LRRC31: variants seen among roughly 807,000 people sequenced by gnomAD.
LRRC31 encodes leucine rich repeat containing 31.
LRRC31 carries 35 observed loss-of-function variants against 46.7 expected under a neutral mutation model. That is an observed-to-expected ratio of 0.75 (90% CI 0.57 to 0.99). The LOEUF (loss-of-function observed/expected upper bound fraction) is 0.99, where lower values mean the gene tolerates loss of function less well. Ranked by LOEUF, LRRC31 falls within the 50% of genes least tolerant of loss-of-function variation. The pLI, the probability that LRRC31 is intolerant of heterozygous loss-of-function variation, is 0.00. For synonymous variants in LRRC31, 236 were observed against 235.1 expected, an observed-to-expected ratio of 1.00 and a Z score of -0.03; for missense variants, 613 against 626.1, an observed-to-expected ratio of 0.98 and a Z score of 0.22.
intron 2 of LRRC31, 134 bp downstream of exon 2, chr3:169,861,536 G>A: frequency 3.7e-6 from 3 of 810,920 alleles, no homozygotes; most frequent in Non-Finnish European, 3.8e-6. Flanking sequence ...AAAAAAAAGC[G>A]ATGCTGTTTC....
intron 8 of LRRC31, among the ~76,000 whole-genome samples, chr3:169,846,814 A>G (rs1042879813): frequency 2.0e-5 from 3 of 152,208 alleles, no homozygotes; most frequent in Non-Finnish European, 4.4e-5. Context: ...TAACTATTTA[A>G]TATGTAAAAC....
intron 8 of LRRC31, among the ~76,000 whole-genome samples, chr3:169,844,094 T>C (rs1457287542): frequency 6.6e-6 from 1 of 152,160 alleles, no homozygotes; most frequent in Non-Finnish European, 1.5e-5. Context: ...AGGAACACTT[T>C]CCAACTCATT....
intron 1 of LRRC31, among the ~76,000 whole-genome samples, chr3:169,869,023 G>A (rs951496152): frequency 7.9e-5 from 12 of 151,644 alleles, no homozygotes; most frequent in African/African-American, 4.8e-5. Flanking sequence ...CAAACAACCC[G>A]TTGTGCTCTT....
At chr3:169,857,672 A>T (rs889242392) in intron 3 of LRRC31, among the ~76,000 whole-genome samples, 5 of 151,896 alleles carry the variant, frequency 3.3e-5, no homozygotes, top group Non-Finnish European at 1.5e-5. Context: ...AATGATTTTC[A>T]CTGCCTTGCG....
chr3:169,856,677 T>G (rs11919269), intron 4 of LRRC31, 28 bp downstream of exon 4: 453,192 of 1,523,386 alleles, frequency 0.3, 73,027 homozygotes, highest in East Asian at 0.67. Flanking sequence ...ATCTTCACTT[T>G]TTTTTTTTCT....
At chr3:169,857,345 T>TATATATATATATATATATACAC (rs1491209579) in intron 3 of LRRC31, among the ~76,000 whole-genome samples, 86 of 89,350 alleles carry the variant, frequency 9.6e-4, no homozygotes, top group Non-Finnish European at 1.4e-3. Context: ...TATATATATA[T>TATATATATATATATATATACAC]ACACACACAC....
chr3:169,842,915 C>A (rs1023510554), intron 8 of LRRC31, among the ~76,000 whole-genome samples: 5 of 151,870 alleles, frequency 3.3e-5, no homozygotes, highest in East Asian at 1.9e-4. Flanking sequence ...AAATAAAAAT[C>A]AAAAGCTTAT....
chr3:169,854,269 G>A (rs1780875648), intron 6 of LRRC31, among the ~76,000 whole-genome samples: 1 of 152,214 alleles, frequency 6.6e-6, no homozygotes, highest in Non-Finnish European at 1.5e-5. Context: ...TTAATCTCAA[G>A]GCTACGCTTG....
intron 3 of LRRC31, among the ~76,000 whole-genome samples, chr3:169,858,841 TAAAAATACAA>T (rs1045953424): frequency 6.6e-6 from 1 of 151,816 alleles, no homozygotes; most frequent in African/African-American, 2.4e-5. Flanking sequence ...CTATCTCTAC[TAAAAATACAA>T]AAAAATTAGC....
At chr3:169,855,252 C>T (rs930359539) in intron 5 of LRRC31, among the ~76,000 whole-genome samples, 8 of 152,118 alleles carry the variant, frequency 5.3e-5, no homozygotes, top group African/African-American at 1.9e-4. Context: ...GAAACCCCAT[C>T]TCTGCTACCA....
rs146441847 is a variant in LRRC31 at position 169,855,950 on chromosome 3, G to A, written c.823+386C>T. 1.3e-4 allele frequency among the ~76,000 whole-genome samples: 20 copies of A among 151,788 alleles called. No homozygotes were observed. In the East Asian group the frequency reaches 3.3e-3, roughly 25 times the overall value. The stretch of plus-strand genomic sequence containing the variant: ...TGGAGTCTCTTCTGTCACCCACATC[G>A]GCTCGCTGCAACCTCACCTCCTGAG... On this transcript the variant is annotated intron_variant, in intron 5 of 8. Coordinates refer to ENST00000316428, the MANE Select transcript of LRRC31 (RefSeq NM_024727.4).
chr3:169,847,052 G>A (rs1205403787), intron 8 of LRRC31, among the ~76,000 whole-genome samples: 1 of 152,258 alleles, frequency 6.6e-6, no homozygotes, highest in African/African-American at 2.4e-5. Flanking sequence ...TGGGAGGCGC[G>A]CTCATTGCTT....
chr3:169,856,259 C>T (rs1576793060), intron 5 of LRRC31, 77 bp downstream of exon 5: 3 of 829,518 alleles, frequency 3.6e-6, no homozygotes, highest in Non-Finnish European at 4.7e-6. Context: ...TTCCTAGTAA[C>T]TTTTCAATAT....
chr3:169,841,158 C>G (rs1780436433), intron 8 of LRRC31, among the ~76,000 whole-genome samples: 1 of 152,184 alleles, frequency 6.6e-6, no homozygotes, highest in Non-Finnish European at 1.5e-5. Context: ...CAAGTTTGCC[C>G]CAGCATTATG....
Position 169,854,850 on chromosome 3 carries a change from G to A in LRRC31, c.954C>T (p.His318=), listed in dbSNP as rs567420553. 90 of 1,613,752 alleles carry A rather than the reference G, an allele frequency of 5.6e-5. No homozygotes were observed. The highest frequency in any genetic ancestry group is 1.7e-4 in the Middle Eastern group (1 of 6,060). The change falls in exon 6 of 9, where the codon CAC becomes CAT. Residue 318 remains histidine (H), a synonymous_variant. Coordinates refer to ENST00000316428, the MANE Select transcript of LRRC31 (RefSeq NM_024727.4). ...MLKHLQVLDL[H]QCSLTADDVM... ...CGTCATCTGCTGTTAGTGAGCACTG[G>A]TGAAGATCTAGGACTTGTAGATGCT...
chr3:169,860,874 G>A, intron 2 of LRRC31, 146 bp from the exon 3 acceptor site: 1 of 709,898 alleles, frequency 1.4e-6, no homozygotes, highest in East Asian at 2.8e-5. Flanking sequence ...GGCAAAGCAG[G>A]GAGCCCTCAG....
intron 7 of LRRC31, among the ~76,000 whole-genome samples, chr3:169,850,656 G>A (rs1186170656): frequency 6.6e-6 from 1 of 152,192 alleles, no homozygotes; most frequent in East Asian, 1.9e-4. Flanking sequence ...CTGTGCTTCA[G>A]TTTCCTTGTC....
At chr3:169,841,349 C>A (rs540332146) in intron 8 of LRRC31, among the ~76,000 whole-genome samples, 1 of 152,148 alleles carries the variant, frequency 6.6e-6, no homozygotes, top group African/African-American at 2.4e-5. Flanking sequence ...CTGAACATGC[C>A]CTGGTCTTTC....
chr3:169,860,830 A>C (rs1012548558), intron 2 of LRRC31, 102 bp from the exon 3 acceptor site: 1 of 1,216,696 alleles, frequency 8.2e-7, no homozygotes, highest in Non-Finnish European at 1.2e-6. Flanking sequence ...TTTACACTGT[A>C]AGAGAATAGA....
Sources: allele counts gnomAD v4.1 joint callset (sites outside exome capture counted in the v4.1 genomes callset), GRCh38; gene constraint gnomAD v4.1.1; transcripts MANE v1.5; gene names NCBI Gene and HGNC (gene_info 2026-07-23, HGNC 2026-07-21).